Variants in TMTC1 observed in about 807,000 individuals in gnomAD.
The protein encoded by TMTC1 is protein O-mannosyl-transferase TMTC1.
In TMTC1, 73 loss-of-function variants were observed where a neutral mutation model predicts 104.8. That is an observed-to-expected ratio of 0.70 (90% CI 0.58 to 0.85). The LOEUF is 0.85. TMTC1 is among the 40% of genes least tolerant of loss of function. The pLI is 0.00. For synonymous variants in TMTC1, 434 were observed against 428.7 expected, an observed-to-expected ratio of 1.01 and a Z score of -0.15; for missense variants, 1,035 against 1,096.1, an observed-to-expected ratio of 0.94 and a Z score of 0.79.
At chr12:29,636,615 C>A (rs1158242917) in intron 5 of TMTC1, among the ~76,000 whole-genome samples, 2 of 151,800 alleles carry the variant, frequency 1.3e-5, no homozygotes, top group South Asian at 2.1e-4. Flanking sequence ...GTCAAGAGAT[C>A]GAGACCATCC....
intron 5 of TMTC1, among the ~76,000 whole-genome samples, chr12:29,687,473 G>T (rs1047392706): frequency 6.6e-6 from 1 of 152,170 alleles, no homozygotes; most frequent in Non-Finnish European, 1.5e-5. Context: ...AATTAAACGA[G>T]ACTAAGAGAC....
intron 6 of TMTC1, 68 bp from the exon 7 acceptor site, chr12:29,604,367 T>A: frequency 6.3e-7 from 1 of 1,594,962 alleles, no homozygotes; most frequent in South Asian, 1.1e-5. Flanking sequence ...CATTTAACCA[T>A]CTCCTTCACT....
intron 5 of TMTC1, among the ~76,000 whole-genome samples, chr12:29,726,405 T>C (rs2136901071): frequency 6.8e-6 from 1 of 147,194 alleles, no homozygotes; most frequent in Admixed American, 6.8e-5. Context: ...GTTACAGAGA[T>C]TCCAAGCCAT....
chr12:29,776,314 A>G (rs1488825852), intron 1 of TMTC1, among the ~76,000 whole-genome samples: 1 of 151,896 alleles, frequency 6.6e-6, no homozygotes, highest in Non-Finnish European at 1.5e-5. Context: ...GTTCCAATAG[A>G]AATTCAAAGT....
chr12:29,655,183 A>C (rs1332377304), intron 5 of TMTC1, among the ~76,000 whole-genome samples: 2 of 152,052 alleles, frequency 1.3e-5, no homozygotes, highest in Non-Finnish European at 2.9e-5. Context: ...ACCTGGCCAT[A>C]TGATTCCATT....
At chr12:29,770,780 G>A (rs923576487) in intron 1 of TMTC1, among the ~76,000 whole-genome samples, 5 of 152,076 alleles carry the variant, frequency 3.3e-5, no homozygotes, top group African/African-American at 1.2e-4. Flanking sequence ...TTACAGACAA[G>A]TAAGCTTGAG....
At chr12:29,622,691 T>C (rs539733111) in intron 6 of TMTC1, among the ~76,000 whole-genome samples, 18 of 152,344 alleles carry the variant, frequency 1.2e-4, no homozygotes, top group African/African-American at 4.1e-4. Context: ...TTAAAATTCA[T>C]TGTTAAAAAC....
intron 5 of TMTC1, among the ~76,000 whole-genome samples, chr12:29,745,973 A>G (rs943035123): frequency 1.3e-5 from 2 of 152,206 alleles, no homozygotes; most frequent in African/African-American, 4.8e-5. Flanking sequence ...AATGTGGACC[A>G]GCTTATTTAT....
At chr12:29,523,766 T>G (rs945895235) in intron 11 of TMTC1, among the ~76,000 whole-genome samples, 3 of 152,160 alleles carry the variant, frequency 2.0e-5, no homozygotes, top group Non-Finnish European at 4.4e-5. Flanking sequence ...TCTCTTGTTT[T>G]TTGGAGGGCA....
intron 5 of TMTC1, among the ~76,000 whole-genome samples, chr12:29,704,591 G>A (rs1457136426): frequency 6.6e-6 from 1 of 152,106 alleles, no homozygotes; most frequent in African/African-American, 2.4e-5. Flanking sequence ...GTGTATTAGA[G>A]GCCTAATCTA....
intron 6 of TMTC1, among the ~76,000 whole-genome samples, chr12:29,624,574 C>A (rs1244850264): frequency 6.6e-6 from 1 of 152,152 alleles, no homozygotes; most frequent in Non-Finnish European, 1.5e-5. Context: ...CTAGTACTTT[C>A]CTGCCTCAGG....
intron 6 of TMTC1, among the ~76,000 whole-genome samples, chr12:29,626,320 T>C (rs895211031): frequency 6.6e-6 from 1 of 151,978 alleles, no homozygotes; most frequent in Non-Finnish European, 1.5e-5. Flanking sequence ...AGTTAAAAAG[T>C]AAAAGGGAGA....
At chr12:29,751,494 G>A (rs1423868618) in intron 5 of TMTC1, among the ~76,000 whole-genome samples, 172 bp downstream of exon 5, 3 of 152,098 alleles carry the variant, frequency 2.0e-5, no homozygotes, top group Non-Finnish European at 2.9e-5. Flanking sequence ...TTAGAATATA[G>A]GGAAGGAAGG....
At chr12:29,536,002 C>A in intron 11 of TMTC1, 2 of 542,356 alleles carry the variant, frequency 3.7e-6, no homozygotes, top group South Asian at 2.4e-5. Context: ...CAATAACGGA[C>A]CATCTTTGTC....
chr12:29,767,487 G>C (rs10771579), intron 2 of TMTC1, among the ~76,000 whole-genome samples: 60,001 of 152,006 alleles, frequency 0.39, 12,384 homozygotes, highest in Admixed American at 0.54. Context: ...ACTCAGCATG[G>C]TAAGTGTCTC....
chr12:29,676,631 G>A (rs1183683040), intron 5 of TMTC1, among the ~76,000 whole-genome samples: 1 of 152,190 alleles, frequency 6.6e-6, no homozygotes, highest in Non-Finnish European at 1.5e-5. Context: ...CAAACGAAAG[G>A]TCACCTCCAG....
intron 5 of TMTC1, among the ~76,000 whole-genome samples, chr12:29,676,004 C>T (rs959347958): frequency 2.0e-5 from 3 of 152,216 alleles, no homozygotes; most frequent in Non-Finnish European, 2.9e-5. Context: ...ATTTCAAAAA[C>T]GAAATTGAAT....
At chr12:29,518,237 T>C (rs1425176991) in intron 13 of TMTC1, among the ~76,000 whole-genome samples, 1 of 152,152 alleles carries the variant, frequency 6.6e-6, no homozygotes, top group African/African-American at 2.4e-5. Context: ...CTGACTAAAG[T>C]GGGAATTAAA....
intron 6 of TMTC1, among the ~76,000 whole-genome samples, chr12:29,620,867 G>C (rs2136459520): frequency 6.6e-6 from 1 of 152,312 alleles, no homozygotes; most frequent in Admixed American, 6.5e-5. Flanking sequence ...CAACTGGGCT[G>C]GTCAAGTCTC....
Sources: allele counts gnomAD v4.1 joint callset (sites outside exome capture counted in the v4.1 genomes callset), GRCh38; gene constraint gnomAD v4.1.1; transcripts MANE v1.5; gene names NCBI Gene and HGNC (gene_info 2026-07-23, HGNC 2026-07-21).